IPCEF1: variants seen among roughly 807,000 people sequenced by gnomAD.
IPCEF1 encodes interactor protein for cytohesin exchange factors 1.
In IPCEF1, 31 loss-of-function variants were observed where a neutral mutation model predicts 50.9. The ratio of observed to expected loss-of-function variants is 0.61; its 90% CI spans 0.46 to 0.82. IPCEF1 has a LOEUF of 0.82. IPCEF1 is among the 40% of genes least tolerant of loss of function. The pLI is 0.00. For missense variants in IPCEF1, 458 were observed against 514.0 expected (o/e 0.89, Z 1.05); for synonymous variants, 181 against 192.0 (o/e 0.94, Z 0.47).
chr6:154,313,311 G>T (rs1309647757), intron 1 of IPCEF1, among the ~76,000 whole-genome samples: 2 of 151,504 alleles, frequency 1.3e-5, no homozygotes, highest in African/African-American at 4.9e-5. Flanking sequence ...GGAGGTGGAG[G>T]TTGCAGTGAG....
intron 3 of IPCEF1, chr6:154,247,805 C>T (rs1389153863): frequency 3.7e-6 from 1 of 270,848 alleles, no homozygotes; most frequent in East Asian, 6.6e-5. Context: ...TTTTAAAAAT[C>T]AAAAAATATT....
chr6:154,212,848 G>T lies in IPCEF1; in HGVS notation c.459C>A (p.Tyr153Ter). The T allele has an allele frequency of 1.2e-6, 2 of 1,608,762 alleles. No individual in the cohort carries two copies. The highest frequency in any genetic ancestry group is 1.7e-6 in the Non-Finnish European group (2 of 1,175,168). ...QESTTKDEEC[Y>*]SESEQEDPEI... Reference sequence around the variant, plus strand: ...CTGGATCTTCCTGTTCACTTTCACTGTAACATTCTATAACAAAAATGAAAA... The same window carrying T: ...CTGGATCTTCCTGTTCACTTTCACTTTAACATTCTATAACAAAAATGAAAA... Residue 153 changes from tyrosine to a stop codon, truncating the protein, a stop_gained, in exon 9 of 12, where the codon TAC becomes TAA. Transcript: ENST00000367220. LOFTEE classifies it high-confidence loss of function.
chr6:154,240,615 A>G (rs773665906), intron 5 of IPCEF1, among the ~76,000 whole-genome samples: 1 of 152,218 alleles, frequency 6.6e-6, no homozygotes, highest in African/African-American at 2.4e-5. Flanking sequence ...CATTTTCTAC[A>G]TGGGTAATTC....
At chr6:154,342,041 T>C (rs546212634) in intron 1 of IPCEF1, among the ~76,000 whole-genome samples, 1 of 152,202 alleles carries the variant, frequency 6.6e-6, no homozygotes, top group Non-Finnish European at 1.5e-5. Flanking sequence ...TAGCCGTTAC[T>C]GGCATGCATT....
chr6:154,305,006 C>T (rs1290239597), intron 1 of IPCEF1, among the ~76,000 whole-genome samples: 3 of 151,604 alleles, frequency 2.0e-5, no homozygotes, highest in Non-Finnish European at 2.9e-5. Context: ...CCCAGCTACT[C>T]GGGAGGCTGA....
intron 1 of IPCEF1, among the ~76,000 whole-genome samples, chr6:154,322,047 A>G (rs1424980121): frequency 1.3e-5 from 2 of 152,160 alleles, no homozygotes; most frequent in Non-Finnish European, 2.9e-5. Context: ...AACATTTGAA[A>G]TTCAATCAAT....
intron 5 of IPCEF1, 83 bp from the exon 6 acceptor site, chr6:154,223,326 G>GTAT (rs1019980675): frequency 9.4e-7 from 1 of 1,066,230 alleles, no homozygotes; most frequent in African/African-American, 1.6e-5. Flanking sequence ...ATGGAATAGG[G>GTAT]ATGGTATAAA....
At chr6:154,304,370 G>A (rs747697346) in intron 1 of IPCEF1, among the ~76,000 whole-genome samples, 6 of 152,122 alleles carry the variant, frequency 3.9e-5, no homozygotes, top group Non-Finnish European at 5.9e-5. Context: ...TATTCATGTT[G>A]AGAATACTTC....
chr6:154,267,393 G>C (rs2128656036), intron 2 of IPCEF1, among the ~76,000 whole-genome samples: 1 of 152,190 alleles, frequency 6.6e-6, no homozygotes, highest in South Asian at 2.1e-4. Flanking sequence ...TTCAGGATTG[G>C]AAAAAAATTA....
intron 11 of IPCEF1, among the ~76,000 whole-genome samples, chr6:154,167,064 T>C (rs1799498519): frequency 6.6e-6 from 1 of 152,216 alleles, no homozygotes; most frequent in African/African-American, 2.4e-5. Context: ...TGTAGCCTTG[T>C]CCTTTCAATT....
intron 5 of IPCEF1, among the ~76,000 whole-genome samples, chr6:154,245,110 C>G (rs1042312563): frequency 6.6e-6 from 1 of 152,072 alleles, no homozygotes; most frequent in Admixed American, 6.6e-5. Context: ...AGACCACAGA[C>G]CCAGGTTGCC....
At chr6:154,331,994 T>A (rs1783683255) in intron 1 of IPCEF1, among the ~76,000 whole-genome samples, 2 of 152,184 alleles carry the variant, frequency 1.3e-5, no homozygotes, top group South Asian at 4.1e-4. Context: ...TGAAACTTTT[T>A]AATAAACTTT....
chr6:154,347,877 G>A (rs1784061283), intron 1 of IPCEF1, among the ~76,000 whole-genome samples: 1 of 152,164 alleles, frequency 6.6e-6, no homozygotes, highest in African/African-American at 2.4e-5. Flanking sequence ...GATTGACAGA[G>A]GGATCGCTTG....
intron 1 of IPCEF1, among the ~76,000 whole-genome samples, chr6:154,332,342 C>T (rs1194687330): frequency 8.0e-5 from 12 of 149,548 alleles, no homozygotes; most frequent in African/African-American, 2.7e-4. Flanking sequence ...CTATGTTGCC[C>T]AGGCTGGTCT....
chr6:154,194,393 CT>C (rs112975873), intron 10 of IPCEF1, among the ~76,000 whole-genome samples: 4,214 of 152,288 alleles, frequency 0.028, 200 homozygotes, highest in African/African-American at 0.096. Flanking sequence ...GAGTGAAACT[CT>C]GTCTCAAATA....
chr6:154,190,118 A>C (rs933216334), intron 10 of IPCEF1, among the ~76,000 whole-genome samples: 1 of 152,178 alleles, frequency 6.6e-6, no homozygotes, highest in Non-Finnish European at 1.5e-5. Context: ...ACTCAGTTTG[A>C]ATCTGGTCCC....
rs1271742691 is a variant in IPCEF1 at position 154,168,814 on chromosome 6, C to A, written c.911-701G>T. Among the ~76,000 whole-genome samples the A allele has an allele frequency of 6.6e-6, 1 of 151,664 alleles. No homozygotes were observed. Among genetic ancestry groups the A allele is most frequent in the African/African-American group, 2.4e-5 (1 of 41,166 alleles). On this transcript the variant is annotated intron_variant, in intron 10 of 11. Transcript: ENST00000367220. This position sits in a 1 kb window ranked among gnomAD's most constrained non-coding sequence, Gnocchi z 4.1. ...ACAGACAGGGTTTCACCATGTTGCC[C>A]AGGCTGGTCTTGAACTCCTGACTTT...
chr6:154,263,244 T>G lies in IPCEF1; in HGVS notation c.36+2668A>C, dbSNP rs1385498300. 3.1e-5 allele frequency among the ~76,000 whole-genome samples: 4 copies of G among 128,578 alleles called. No individual in the cohort carries two copies. In the South Asian group the frequency reaches 9.8e-4, roughly 31 times the overall value. 84.4% of individuals were successfully genotyped at this position (128,578 alleles called of 152,430 possible). ...TGTAAATGAGTCTTTTTTTTTTAAATTTATTTATTTATTTTTTTTAATTGA... is the reference window on the plus strand; with the variant it reads ...TGTAAATGAGTCTTTTTTTTTTAAAGTTATTTATTTATTTTTTTTAATTGA... On this transcript the variant is annotated intron_variant, in intron 3 of 11. Coordinates refer to ENST00000367220, the MANE Select transcript of IPCEF1 (RefSeq NM_001130700.2).
intron 4 of IPCEF1, 36 bp downstream of exon 4, chr6:154,247,413 A>G: frequency 6.3e-7 from 1 of 1,584,162 alleles, no homozygotes; most frequent in Non-Finnish European, 8.7e-7. Context: ...CAACGTACAC[A>G]AAATGGAGAT....
Sources: gnomAD v4.1 joint callset for allele counts (sites outside exome capture counted in the v4.1 genomes callset) on GRCh38, gnomAD v4.1.1 for gene constraint, Gnocchi (gnomAD v3.1) non-coding constraint, MANE v1.5 for transcripts, NCBI Gene and HGNC (gene_info 2026-07-23, HGNC 2026-07-21) for gene names.